Variants in LRRC19 observed in about 807,000 individuals in gnomAD.
LRRC19 encodes leucine-rich repeat-containing protein 19.
Under a neutral mutation model 33.3 loss-of-function variants are expected in LRRC19, and 33 were observed. That is an observed-to-expected ratio of 0.99 (90% CI 0.75 to 1.33). The LOEUF (loss-of-function observed/expected upper bound fraction) is 1.33, where lower values mean the gene tolerates loss of function less well. Among genes scored for constraint, LRRC19 ranks in the 40% most tolerant of loss-of-function variants. The probability of loss-of-function intolerance (pLI) is 0.00; values close to 1 mark genes in which losing one functional copy is unlikely to be tolerated. For missense variants in LRRC19, 463 were observed against 417.3 expected (o/e 1.11, Z -0.95); for synonymous variants, 184 against 152.3 (o/e 1.21, Z -1.53).
chr9:27,004,109 G>A (rs1828651351), intron 1 of LRRC19, among the ~76,000 whole-genome samples: 1 of 152,160 alleles, frequency 6.6e-6, no homozygotes, highest in Non-Finnish European at 1.5e-5. Context: ...TAAGTTAAAA[G>A]TTGATATGAA....
At chr9:26,998,887 G>A (rs1052064136) in intron 2 of LRRC19, among the ~76,000 whole-genome samples, 22 of 151,970 alleles carry the variant, frequency 1.4e-4, no homozygotes, top group African/African-American at 5.3e-4. Context: ...CCAGCTACTT[G>A]GGAGGCTGAG....
At chr9:27,005,364 C>G (rs1167732057) in intron 1 of LRRC19, among the ~76,000 whole-genome samples, 2 of 101,544 alleles carry the variant, frequency 2.0e-5, no homozygotes, top group East Asian at 4.4e-4. Flanking sequence ...CCCCCCCGCC[C>G]CCCGCAAAAC....
chr9:26,997,771 T>C lies in LRRC19; in HGVS notation c.552A>G (p.Leu184=), dbSNP rs1828242525. The C allele has an allele frequency of 6.2e-7, 1 of 1,611,470 alleles. No individual in the cohort carries two copies. Among genetic ancestry groups the C allele is most frequent in the Non-Finnish European group, 8.5e-7 (1 of 1,179,434 alleles). ...YGNLWNCSCS[L]FNLQNWLNTS... is the part of the protein sequence containing the mutation. ...TGTTCAACCAGTTCTGCAAATTAAA[T>C]AGACTGCAAGAGCAGTTCCATAGGT... The change falls in exon 3 of 5, where the codon CTA becomes CTG. Residue 184 remains leucine (L), a synonymous_variant. Transcript: ENST00000380055.
intron 4 of LRRC19, among the ~76,000 whole-genome samples, 182 bp downstream of exon 4, chr9:26,996,129 C>T (rs1035482648): frequency 1.3e-5 from 2 of 152,060 alleles, no homozygotes; most frequent in Non-Finnish European, 2.9e-5. Context: ...ATAATTTGCA[C>T]GATGGCATTT....
At chr9:26,998,342 T>C (rs968438583) in intron 2 of LRRC19, 101 bp from the exon 3 acceptor site, 3 of 710,526 alleles carry the variant, frequency 4.2e-6, no homozygotes, top group Middle Eastern at 4.2e-4. Context: ...GGACGTTATT[T>C]TGGGAAAAAA....
In LRRC19 at chr9:26,993,470, T is replaced by C. The variant is rs1055565236; in HGVS notation, c.*2051A>G. The C allele has an allele frequency of 6.6e-6, 1 of 152,572 alleles. No homozygotes were observed. Among genetic ancestry groups the C allele is most frequent in the Non-Finnish European group, 1.5e-5 (1 of 67,996 alleles). 9.5% of individuals were successfully genotyped at this position (152,572 alleles called of 1,614,324 possible). A position where few individuals can be genotyped will look rare whatever the true frequency, so the allele number is the denominator to read the frequency against. On this transcript the variant is annotated 3_prime_UTR_variant, in exon 5 of 5. Coordinates refer to ENST00000380055, the MANE Select transcript of LRRC19 (RefSeq NM_022901.3). ...TCTGTAAACACAAGCAAATATGTAT[T>C]ATAAATTAGTAAGTTCTTCTATTTT...
rs775998157 is a variant in LRRC19 at position 26,998,123 on chromosome 9, C to T, written c.200G>A (p.Arg67Lys). 1 of 1,612,730 alleles carries T rather than the reference C, an allele frequency of 6.2e-7. No individual in the cohort carries two copies. The highest frequency in any genetic ancestry group is 1.1e-5 in the South Asian group (1 of 90,976). Residue 67 changes from arginine (R) to lysine (K), a missense_variant, in exon 3 of 5, where the codon AGA becomes AAA. Coordinates refer to ENST00000380055, the MANE Select transcript of LRRC19 (RefSeq NM_022901.3). The part of the protein sequence containing the change: ...NQITLNGTDT[R>K]VLQTYFLLTE... ...GAGTAAAAAGTATGTCTGTAGAACT[C>T]TTGTGTCTGTACCATTAAGAGTAAT... is the stretch of plus-strand genomic sequence containing the variant.
At chr9:27,002,860 A>G (rs186879628) in intron 1 of LRRC19, among the ~76,000 whole-genome samples, 1 of 152,172 alleles carries the variant, frequency 6.6e-6, no homozygotes, top group Non-Finnish European at 1.5e-5. Context: ...ATTGCATTGA[A>G]TCAGTAAATT....
chr9:27,000,661 G>A (rs1828434445), intron 1 of LRRC19, among the ~76,000 whole-genome samples: 1 of 152,062 alleles, frequency 6.6e-6, no homozygotes, highest in African/African-American at 2.4e-5. Flanking sequence ...TTCTCTTCTA[G>A]CTGTTTTTAA....
At chr9:27,002,359 G>T (rs1397578021) in intron 1 of LRRC19, among the ~76,000 whole-genome samples, 8 of 152,234 alleles carry the variant, frequency 5.3e-5, no homozygotes, top group African/African-American at 1.9e-4. Flanking sequence ...TTTCACCTGG[G>T]TGAAGGTGGG....
In LRRC19 at chr9:26,998,031, T is replaced by C; in HGVS notation, c.292A>G (p.Ser98Gly). 1 of 1,613,872 alleles carries C rather than the reference T, an allele frequency of 6.2e-7. No individual in the cohort carries two copies. Among genetic ancestry groups the C allele is most frequent in the Non-Finnish European group, 8.5e-7 (1 of 1,179,856 alleles). The change falls in exon 3 of 5, where the codon AGT becomes GGT. Residue 98 changes from serine to glycine, a missense_variant. Ser to Gly is a moderately conservative substitution (Grantham distance 56, BLOSUM62 0). Transcript: ENST00000380055. ...CTACAGATATTTAAAATTTCTAGAC[T>C]GGAGAGGTTACCAAAACCGTTATTA... ...LHNNGFGNLS[S>G]LEILNICRNS...
chr9:26,997,622 C>T (rs1395839651), intron 3 of LRRC19, 106 bp downstream of exon 3: 14 of 1,228,906 alleles, frequency 1.1e-5, no homozygotes, highest in Non-Finnish European at 1.6e-5. Flanking sequence ...GCATGAGCCA[C>T]TGCGCCTGGC....
At chr9:27,000,589 A>T (rs1828428948) in intron 1 of LRRC19, among the ~76,000 whole-genome samples, 1 of 152,208 alleles carries the variant, frequency 6.6e-6, no homozygotes, top group Admixed American at 6.5e-5. Context: ...GATCAAATTA[A>T]TGTACTTGGG....
intron 2 of LRRC19, 118 bp downstream of exon 2, chr9:26,999,496 C>G: frequency 1.4e-6 from 1 of 704,330 alleles, no homozygotes; most frequent in Non-Finnish European, 2.3e-6. Flanking sequence ...GCTAAATAAA[C>G]TCTTAATTTT....
At position 26,997,870 on chromosome 9, in the gene LRRC19, A is replaced by G; in HGVS notation, c.453T>C (p.Asn151=). 1 of 1,614,192 alleles carries G rather than the reference A, an allele frequency of 6.2e-7. No individual in the cohort carries two copies. The highest frequency in any genetic ancestry group is 1.1e-5 in the South Asian group (1 of 91,088). Residue 151 remains asparagine (N), a synonymous_variant, in exon 3 of 5, where the codon AAT becomes AAC. Coordinates refer to ENST00000380055, the MANE Select transcript of LRRC19 (RefSeq NM_022901.3). ...AATAGCTAATCAAATTGCCTTGCAG[A>G]TTCAGAAGTTTTAGGCTTCTTAGAG... ...FVPLRSLKLL[N]LQGNLISYLD...
intron 1 of LRRC19, 67 bp from the exon 2 acceptor site, chr9:26,999,770 CTTTTT>C (rs1179000269): frequency 5.6e-3 from 1,879 of 338,368 alleles, no homozygotes; most frequent in South Asian, 6.1e-3. Context: ...TCTGTTTATT[CTTTTT>C]TTTTTTTTTT....
At chr9:26,999,590 A>G in intron 2 of LRRC19, 24 bp downstream of exon 2, 1 of 1,488,114 alleles carries the variant, frequency 6.7e-7, no homozygotes, top group Non-Finnish European at 9.3e-7. Flanking sequence ...AAATATTTTT[A>G]CTATTTTGAT....
chr9:26,996,756 G>T (rs915428025), intron 3 of LRRC19, among the ~76,000 whole-genome samples: 4 of 151,350 alleles, frequency 2.6e-5, no homozygotes, highest in Non-Finnish European at 5.9e-5. Context: ...TAATATTGTG[G>T]TTACATGGTT....
intron 1 of LRRC19, among the ~76,000 whole-genome samples, chr9:27,005,352 TC>T (rs1443234170): frequency 0.033 from 626 of 18,966 alleles, 65 homozygotes; most frequent in African/African-American, 0.042. Context: ...TGAAACCATT[TC>T]CCCCCCCGCC....
Sources: gnomAD v4.1 joint callset for allele counts (sites outside exome capture counted in the v4.1 genomes callset) on GRCh38, gnomAD v4.1.1 for gene constraint, MANE v1.5 for transcripts, NCBI Gene and HGNC (gene_info 2026-07-23, HGNC 2026-07-21) for gene names.